Variants in CA2 observed in about 807,000 individuals in gnomAD.
CA2 encodes the protein carbonate dehydratase II.
A neutral mutation model predicts 27.8 loss-of-function variants in CA2; 23 were observed. The ratio of observed to expected loss-of-function variants is 0.83; its 90% CI spans 0.59 to 1.17. The LOEUF is 1.17. CA2 is among the 50% of genes most tolerant of loss of function. The pLI is 0.00. For synonymous variants in CA2, 99 were observed against 114.9 expected (o/e 0.86, Z 0.88); for missense variants, 300 against 314.7 (o/e 0.95, Z 0.35).
intron 6 of CA2, 101 bp from the exon 7 acceptor site, chr8:85,480,569 C>A: frequency 2.5e-6 from 3 of 1,178,796 alleles, no homozygotes; most frequent in South Asian, 2.5e-5. Context: ...AGGCATGAGC[C>A]ACTGCGCCTG....
intron 2 of CA2, among the ~76,000 whole-genome samples, chr8:85,472,682 G>A (rs1811727698): frequency 6.6e-6 from 1 of 152,074 alleles, no homozygotes; most frequent in Non-Finnish European, 1.5e-5. Flanking sequence ...AGTAAATTAA[G>A]GTCAAAGAGG....
rs1361076823 is a variant in CA2, at chr8:85,465,315, G to A, written c.78G>A (p.Glu26=). ...AGGACTTCCCCATTGCCAAGGGAGA[G>A]CGCCAGTCCCCTGTTGACATCGACA... ...WHKDFPIAKG[E]RQSPVDIDTH... is the part of the protein sequence containing the mutation. Residue 26 remains glutamate, a synonymous_variant, in exon 2 of 7, where the codon GAG becomes GAA. Coordinates refer to ENST00000285379, the MANE Select transcript of CA2 (RefSeq NM_000067.3). 1.9e-6 allele frequency: 3 copies of A among 1,614,158 alleles called. No homozygotes were observed. Among genetic ancestry groups the A allele is most frequent in the East Asian group, 2.2e-5 (1 of 44,878 alleles).
chr8:85,465,247 G>T, intron 1 of CA2, 25 bp from the exon 2 acceptor site: 1 of 1,593,088 alleles, frequency 6.3e-7, no homozygotes, highest in South Asian at 1.1e-5. Context: ...CACAATGGGG[G>T]ATTCACATGT....
Position 85,480,826 on chromosome 8 carries a change from C to A in CA2, c.*37C>A, listed in dbSNP as rs375215453. The A allele has an allele frequency of 6.2e-7, 1 of 1,610,654 alleles. No homozygotes were observed. Among genetic ancestry groups the A allele is most frequent in the African/African-American group, 1.3e-5 (1 of 74,784 alleles). On this transcript the variant is annotated 3_prime_UTR_variant, in exon 7 of 7. Transcript: ENST00000285379. ...AGTCTGTATCCAAATAATGAATCTT[C>A]GGGTGTTTCCCTTTAGCTAAGCACA...
Position 85,464,239 on chromosome 8 carries a change from G to A in CA2, c.34+124G>A, listed in dbSNP as rs1044656742. On this transcript the variant is annotated intron_variant, in intron 1 of 6. Transcript: ENST00000285379. ...CACATGCTGTTTACCGCGGCCGCGGGGAGTGCTGGAGGCTCAGGTGCGCCC... is the reference window on the plus strand; with the variant it reads ...CACATGCTGTTTACCGCGGCCGCGGAGAGTGCTGGAGGCTCAGGTGCGCCC... The A allele has an allele frequency of 3.5e-6, 3 of 857,366 alleles. No homozygotes were observed. The Admixed American group carries it at 1.0e-4, about 29-fold the overall frequency. The allele number at this position is 857,366 out of a possible 1,614,324, so 53.1% of individuals were successfully genotyped here.
At chr8:85,477,382 ACTT>A in intron 6 of CA2, 107 bp downstream of exon 6, 5 of 1,247,916 alleles carry the variant, frequency 4.0e-6, no homozygotes, top group Non-Finnish European at 5.9e-6. Flanking sequence ...TTCTCCTGCT[ACTT>A]CTTGCTATGG....
intron 4 of CA2, 50 bp from the exon 5 acceptor site, chr8:85,475,748 G>C (rs371512016): frequency 4.6e-6 from 7 of 1,533,700 alleles, no homozygotes; most frequent in Non-Finnish European, 6.3e-6. Flanking sequence ...ATAAAAACTG[G>C]TACAGTACCA....
At chr8:85,469,930 G>A (rs1353177187) in intron 2 of CA2, among the ~76,000 whole-genome samples, 1 of 152,074 alleles carries the variant, frequency 6.6e-6, no homozygotes, top group East Asian at 1.9e-4. Flanking sequence ...TCAGGGACTT[G>A]CTTTTGAAGC....
In CA2 at chr8:85,476,966, C is replaced by T. The variant is rs11780942; in HGVS notation, c.508-154C>T. Among the ~76,000 whole-genome samples, 130,978 of 151,942 alleles carry T rather than the reference C, an allele frequency of 0.86. 56,526 individuals are homozygous for T. Among genetic ancestry groups the T allele is most frequent in the East Asian group, 0.99 (5,142 of 5,174 alleles). On this transcript the variant is annotated intron_variant, in intron 5 of 6. Coordinates refer to ENST00000285379, the MANE Select transcript of CA2 (RefSeq NM_000067.3). ...AGTTGAATGTCTTCTGTTAATTTCT[C>T]TTTATTTTGTTTGCCAGTGAATATA...
At chr8:85,480,605 A>G in intron 6 of CA2, 65 bp from the exon 7 acceptor site, 1 of 1,513,902 alleles carries the variant, frequency 6.6e-7, no homozygotes, top group Non-Finnish European at 9.2e-7. Flanking sequence ...TAAAGATATA[A>G]CACAAGTATA....
At chr8:85,468,437 A>G (rs1326495283) in intron 2 of CA2, among the ~76,000 whole-genome samples, 1 of 152,254 alleles carries the variant, frequency 6.6e-6, no homozygotes, top group Non-Finnish European at 1.5e-5. Flanking sequence ...AAGAGAAAAG[A>G]CATCTACAGA....
At position 85,480,666 on chromosome 8, in the gene CA2, T is replaced by C; in HGVS notation, c.664-4T>C. The C allele has an allele frequency of 6.2e-6, 10 of 1,611,884 alleles. No homozygotes were observed. Among genetic ancestry groups the C allele is most frequent in the Non-Finnish European group, 6.8e-6 (8 of 1,178,068 alleles). Reference sequence around the variant, plus strand: ...AATTATCAATGTTTTATTGTGTCTTTTAGGTGTTGAAATTCCGTAAACTTA... The same window carrying C: ...AATTATCAATGTTTTATTGTGTCTTCTAGGTGTTGAAATTCCGTAAACTTA... On this transcript the variant is annotated splice_region_variant and splice_polypyrimidine_tract_variant and intron_variant, in intron 6 of 6. Transcript: ENST00000285379.
chr8:85,477,900 C>A (rs569669421), intron 6 of CA2, among the ~76,000 whole-genome samples: 1 of 152,262 alleles, frequency 6.6e-6, no homozygotes, highest in Admixed American at 6.5e-5. Flanking sequence ...TACCTCTTAG[C>A]GCACAGTTGA....
At chr8:85,473,893 T>C (rs1239248287) in intron 3 of CA2, 82 bp downstream of exon 3, 1 of 865,940 alleles carries the variant, frequency 1.2e-6, no homozygotes, top group Non-Finnish European at 2.0e-6. Context: ...GCTTAATTTG[T>C]AAATTCAACT....
At chr8:85,477,970 GA>G (rs1479815273) in intron 6 of CA2, among the ~76,000 whole-genome samples, 1 of 152,190 alleles carries the variant, frequency 6.6e-6, no homozygotes, top group African/African-American at 2.4e-5. Context: ...ATAATTTAAG[GA>G]TAGCTTTAGG....
intron 2 of CA2, among the ~76,000 whole-genome samples, chr8:85,471,137 G>T (rs1811708173): frequency 6.6e-6 from 1 of 152,074 alleles, no homozygotes; most frequent in Admixed American, 6.5e-5. Flanking sequence ...TAAAAAGTTT[G>T]AGTTTATGGC....
At chr8:85,464,192 G>A in intron 1 of CA2, 77 bp downstream of exon 1, 1 of 1,340,700 alleles carries the variant, frequency 7.5e-7, no homozygotes, top group Non-Finnish European at 1.0e-6. Flanking sequence ...CCCGGATGCC[G>A]GCCCGGGGCC....
chr8:85,467,475 C>A (rs1224502213), intron 2 of CA2, among the ~76,000 whole-genome samples: 2 of 152,222 alleles, frequency 1.3e-5, no homozygotes, highest in African/African-American at 4.8e-5. Flanking sequence ...AATAAATGGC[C>A]TCTGTTGTTG....
intron 2 of CA2, 39 bp downstream of exon 2, chr8:85,465,508 A>C (rs564319872): frequency 2.2e-5 from 34 of 1,545,554 alleles, no homozygotes; most frequent in Non-Finnish European, 3.0e-5. Flanking sequence ...TTTAGCCAGT[A>C]GCTGTTTTCC....
Sources: gnomAD v4.1 joint callset for allele counts (sites outside exome capture counted in the v4.1 genomes callset) on GRCh38, gnomAD v4.1.1 for gene constraint, MANE v1.5 for transcripts, NCBI Gene and HGNC (gene_info 2026-07-23, HGNC 2026-07-21) for gene names.